Variants in CDYL observed in about 807,000 individuals in gnomAD.
CDYL encodes the protein chromodomain Y-like protein.
In CDYL, 8 loss-of-function variants were observed where a neutral mutation model predicts 47.3. That is an observed-to-expected ratio of 0.17 (90% CI 0.10 to 0.31). The LOEUF is 0.31. CDYL is among the 10% of genes least tolerant of loss of function. The pLI is 1.00. For missense variants in CDYL, 471 were observed against 701.4 expected (o/e 0.67, Z 3.71); for synonymous variants, 266 against 265.0 (o/e 1.00, Z -0.04).
intron 1 of CDYL, among the ~76,000 whole-genome samples, chr6:4,789,975 AT>A (rs2127434321): frequency 6.6e-6 from 1 of 152,252 alleles, no homozygotes; most frequent in East Asian, 1.9e-4. Flanking sequence ...CCTGTGGGTT[AT>A]TTGTCCTTGC....
intron 2 of CDYL, among the ~76,000 whole-genome samples, chr6:4,917,825 G>A (rs748302388): frequency 2.0e-5 from 3 of 152,170 alleles, no homozygotes; most frequent in Non-Finnish European, 4.4e-5. Flanking sequence ...AATTACAGAT[G>A]TACTTCCAAA....
intron 2 of CDYL, among the ~76,000 whole-genome samples, chr6:4,724,215 ATTTTTT>A (rs35194498): frequency 1.1e-4 from 16 of 146,488 alleles, no homozygotes; most frequent in African/African-American, 4.0e-4. Flanking sequence ...TAATTTTTGT[ATTTTTT>A]TTTTTTAAGT....
At chr6:4,723,190 T>C (rs552926097) in intron 2 of CDYL, among the ~76,000 whole-genome samples, 3 of 152,210 alleles carry the variant, frequency 2.0e-5, no homozygotes, top group Non-Finnish European at 4.4e-5. Flanking sequence ...ACTATTTACA[T>C]AGCATTTACA....
chr6:4,722,255 C>A (rs1000355758), intron 2 of CDYL, among the ~76,000 whole-genome samples: 6 of 151,768 alleles, frequency 4.0e-5, no homozygotes, highest in Admixed American at 2.0e-4. Flanking sequence ...ACACTTGAGG[C>A]CAGTTCAACC....
At chr6:4,884,943 G>T (rs1464208933) in intron 1 of CDYL, among the ~76,000 whole-genome samples, 1 of 152,066 alleles carries the variant, frequency 6.6e-6, no homozygotes, top group Admixed American at 6.5e-5. Context: ...TCAGTTACCC[G>T]TGTTCAACCA....
At chr6:4,872,792 A>AT (rs572333784) in intron 1 of CDYL, among the ~76,000 whole-genome samples, 254 of 152,302 alleles carry the variant, frequency 1.7e-3, no homozygotes, top group African/African-American at 5.9e-3. Flanking sequence ...AACCTCAAAA[A>AT]TCCTAGTTTA....
intron 2 of CDYL, among the ~76,000 whole-genome samples, chr6:4,900,663 A>C (rs1757000731): frequency 1.3e-5 from 2 of 151,228 alleles, no homozygotes; most frequent in African/African-American, 4.9e-5. Context: ...TCTATTTTTC[A>C]GTGTCTGGCA....
chr6:4,877,254 A>G (rs529566787), intron 1 of CDYL, among the ~76,000 whole-genome samples: 3 of 152,226 alleles, frequency 2.0e-5, no homozygotes, highest in East Asian at 3.9e-4. Context: ...ACATCTTTCA[A>G]CATTTTTTTT....
Position 4,954,248 on chromosome 6 carries a change from T to C in CDYL, c.*192T>C. 1.9e-6 allele frequency: 1 copy of C among 520,928 alleles called. No individual in the cohort carries two copies. Among genetic ancestry groups the C allele is most frequent in the Non-Finnish European group, 3.3e-6 (1 of 303,476 alleles). The allele number at this position is 520,928 out of a possible 1,614,324, so 32.3% of individuals were successfully genotyped here. On this transcript the variant is annotated 3_prime_UTR_variant, in exon 7 of 7. Transcript: ENST00000397588. Reference sequence around the variant, plus strand: ...GTACTGTAACTTTAAAATAAATAACTACAAAGCTTCTTTGTCCAAACGTCA... The same window carrying C: ...GTACTGTAACTTTAAAATAAATAACCACAAAGCTTCTTTGTCCAAACGTCA...
At chr6:4,856,763 T>A (rs1382595367) in intron 1 of CDYL, among the ~76,000 whole-genome samples, 1 of 152,124 alleles carries the variant, frequency 6.6e-6, no homozygotes, top group African/African-American at 2.4e-5. Flanking sequence ...AACTTCAGGA[T>A]CTCAACTTGG....
intron 1 of CDYL, among the ~76,000 whole-genome samples, chr6:4,800,269 A>T (rs139535009): frequency 6.6e-6 from 1 of 152,150 alleles, no homozygotes; most frequent in East Asian, 1.9e-4. Flanking sequence ...ATTTCTTATT[A>T]ATTTTAATTC....
chr6:4,849,245 G>T (rs559100821), intron 1 of CDYL, among the ~76,000 whole-genome samples: 26 of 152,150 alleles, frequency 1.7e-4, no homozygotes, highest in Non-Finnish European at 3.2e-4. Flanking sequence ...AGGCAAACTG[G>T]GATGAGGAAA....
chr6:4,706,563 C>T (rs757530509), intron 1 of CDYL, among the ~76,000 whole-genome samples: 9 of 151,848 alleles, frequency 5.9e-5, no homozygotes, highest in Non-Finnish European at 1.0e-4. Flanking sequence ...GAGGCCAAGG[C>T]GGGCTGAGGT....
chr6:4,730,927 C>G (rs1353027489), intron 2 of CDYL, among the ~76,000 whole-genome samples: 1 of 152,096 alleles, frequency 6.6e-6, no homozygotes, highest in East Asian at 1.9e-4. Context: ...TAGCAAATAT[C>G]CTGGAAAAAT....
chr6:4,891,230 A>C (rs1260411762), intron 1 of CDYL, among the ~76,000 whole-genome samples: 1 of 152,226 alleles, frequency 6.6e-6, no homozygotes, highest in Non-Finnish European at 1.5e-5. Flanking sequence ...TCTGAATGAT[A>C]CTTGTGATAC....
At chr6:4,723,913 A>G (rs1419266516) in intron 2 of CDYL, among the ~76,000 whole-genome samples, 2 of 152,232 alleles carry the variant, frequency 1.3e-5, no homozygotes, top group Non-Finnish European at 2.9e-5. Context: ...TTCATTCCTT[A>G]TGGCTCCTGA....
intron 2 of CDYL, among the ~76,000 whole-genome samples, chr6:4,727,243 C>T (rs1184116883): frequency 6.6e-6 from 1 of 152,122 alleles, no homozygotes; most frequent in African/African-American, 2.4e-5. Context: ...TTCCTTTCAA[C>T]CTCTTTGATG....
chr6:4,839,688 C>T (rs1226795843), intron 1 of CDYL, among the ~76,000 whole-genome samples: 4 of 152,140 alleles, frequency 2.6e-5, no homozygotes, highest in African/African-American at 9.7e-5. Context: ...CCTTTCCCCA[C>T]TTTATCTTTT....
rs539922212 is a variant in CDYL at position 4,723,983 on chromosome 6, G to T, written c.103+8102G>T. ...TTAAAAGAGAGATTTATGTATCCGT[G>T]AAATTATTTTACTCATCCCACATAC... is the stretch of plus-strand genomic sequence containing the variant. On this transcript the variant is annotated intron_variant, in intron 2 of 8. Transcript: ENST00000328908. Among the ~76,000 whole-genome samples, 12 of 152,320 alleles carry T rather than the reference G, an allele frequency of 7.9e-5. No individual in the cohort carries two copies. The South Asian group carries it at 2.1e-3, about 26-fold the overall frequency.
Sources: gnomAD v4.1 joint callset for allele counts (sites outside exome capture counted in the v4.1 genomes callset) on GRCh38, gnomAD v4.1.1 for gene constraint, MANE v1.5 for transcripts, NCBI Gene and HGNC (gene_info 2026-07-23, HGNC 2026-07-21) for gene names.